The following GPR158 variants were observed in gnomAD, a reference collection of about 807,000 sequenced individuals.
The protein encoded by GPR158 is metabotropic glycine receptor.
Under a neutral mutation model 78.2 loss-of-function variants are expected in GPR158, and 30 were observed. The ratio of observed to expected loss-of-function variants is 0.38; its 90% CI spans 0.29 to 0.52. The LOEUF (loss-of-function observed/expected upper bound fraction) is 0.52. Ranked by LOEUF, GPR158 falls within the 20% of genes least tolerant of loss-of-function variation. The pLI, the probability that GPR158 is intolerant of heterozygous loss-of-function variation, is 0.83. For missense variants in GPR158, 1,463 were observed against 1,523.5 expected (o/e 0.96, Z 0.66); for synonymous variants, 581 against 591.1 (o/e 0.98, Z 0.25).
chr10:25,218,618 C>G (rs914343970), intron 1 of GPR158, among the ~76,000 whole-genome samples: 3 of 152,100 alleles, frequency 2.0e-5, no homozygotes, highest in African/African-American at 2.4e-5. Context: ...CAAATACTTT[C>G]TAAATAAGAT....
At chr10:25,322,793 G>A (rs984511057) in intron 2 of GPR158, among the ~76,000 whole-genome samples, 7 of 152,166 alleles carry the variant, frequency 4.6e-5, no homozygotes, top group Non-Finnish European at 1.0e-4. Flanking sequence ...GGGGTCTTGG[G>A]TGACTGTGTC....
chr10:25,336,658 G>A (rs796741469), intron 2 of GPR158, among the ~76,000 whole-genome samples: 6 of 152,136 alleles, frequency 3.9e-5, no homozygotes, highest in African/African-American at 1.4e-4. Context: ...AATGGAAAAG[G>A]CCTCCTTTTC....
intron 2 of GPR158, among the ~76,000 whole-genome samples, chr10:25,367,337 T>C (rs753770313): frequency 2.1e-4 from 32 of 151,724 alleles, no homozygotes; most frequent in Non-Finnish European, 4.0e-4. Context: ...TCTGAATCAT[T>C]GTGCAATTTT....
intron 3 of GPR158, among the ~76,000 whole-genome samples, chr10:25,396,714 A>G (rs929765504): frequency 2.6e-5 from 4 of 152,372 alleles, no homozygotes; most frequent in Admixed American, 1.3e-4. Flanking sequence ...TCTGACCTCT[A>G]TAAACAATCA....
chr10:25,515,877 A>G (rs1381045845), intron 5 of GPR158, among the ~76,000 whole-genome samples: 1 of 151,020 alleles, frequency 6.6e-6, no homozygotes, highest in Admixed American at 6.6e-5. Flanking sequence ...TCATTTGGGT[A>G]TATACCCAGT....
intron 2 of GPR158, among the ~76,000 whole-genome samples, chr10:25,332,582 A>G (rs1855141890): frequency 6.6e-6 from 1 of 152,164 alleles, no homozygotes; most frequent in African/African-American, 2.4e-5. Flanking sequence ...CTGTATTTGC[A>G]GAGGCATTTG....
chr10:25,364,101 T>C (rs1208238640), intron 2 of GPR158, among the ~76,000 whole-genome samples: 1 of 151,982 alleles, frequency 6.6e-6, no homozygotes, highest in African/African-American at 2.4e-5. Context: ...GAATAAGAAG[T>C]ATTATTCTTC....
intron 6 of GPR158, among the ~76,000 whole-genome samples, chr10:25,554,874 TA>T (rs962349928): frequency 6.6e-6 from 1 of 152,176 alleles, no homozygotes; most frequent in Non-Finnish European, 1.5e-5. Context: ...ATTATTGCCT[TA>T]AATTCTCACA....
intron 2 of GPR158, among the ~76,000 whole-genome samples, chr10:25,329,685 C>T (rs933590762): frequency 2.0e-5 from 3 of 151,192 alleles, no homozygotes; most frequent in Non-Finnish European, 2.9e-5. Flanking sequence ...AAGACAAATC[C>T]ATTCTCTACA....
chr10:25,460,578 G>A (rs888665125), intron 4 of GPR158, among the ~76,000 whole-genome samples: 1 of 152,150 alleles, frequency 6.6e-6, no homozygotes, highest in Non-Finnish European at 1.5e-5. Context: ...AGTAATAAAT[G>A]ACTACCTCTC....
At chr10:25,246,997 G>A (rs2130715010) in intron 2 of GPR158, among the ~76,000 whole-genome samples, 1 of 152,316 alleles carries the variant, frequency 6.6e-6, no homozygotes, top group East Asian at 1.9e-4. Context: ...AGCCTCAGAT[G>A]CTTTGGTGAA....
intron 5 of GPR158, among the ~76,000 whole-genome samples, chr10:25,468,398 C>G (rs1835453353): frequency 6.6e-6 from 1 of 152,156 alleles, no homozygotes; most frequent in Non-Finnish European, 1.5e-5. Context: ...CCTAACATTC[C>G]TAAACCTTGT....
In GPR158 at chr10:25,430,090, A is replaced by G. The variant is rs1588859884; in HGVS notation, c.1335+17617A>G. On this transcript the variant is annotated intron_variant, in intron 4 of 10. Transcript: ENST00000376351. Reference sequence around the variant, plus strand: ...CAAATTGTCCCTGTTTGCAGATGACATGATTGTATATCTAGAAAACCCCAC... The same window carrying G: ...CAAATTGTCCCTGTTTGCAGATGACGTGATTGTATATCTAGAAAACCCCAC... 8.6e-5 allele frequency among the ~76,000 whole-genome samples: 13 copies of G among 150,704 alleles called. No homozygotes were observed. In the South Asian group the frequency reaches 2.8e-3, roughly 32 times the overall value.
chr10:25,304,570 T>C (rs552447041), intron 2 of GPR158, among the ~76,000 whole-genome samples: 3 of 151,984 alleles, frequency 2.0e-5, no homozygotes, highest in Admixed American at 6.6e-5. Flanking sequence ...TTTTTATATA[T>C]AATATATATA....
intron 5 of GPR158, among the ~76,000 whole-genome samples, chr10:25,502,554 T>C (rs1835955836): frequency 6.6e-6 from 1 of 152,172 alleles, no homozygotes; most frequent in Non-Finnish European, 1.5e-5. Flanking sequence ...TCCATGTTCC[T>C]GCTGGGTAAT....
chr10:25,258,053 C>T (rs1159296655), intron 2 of GPR158, among the ~76,000 whole-genome samples: 1 of 152,142 alleles, frequency 6.6e-6, no homozygotes, highest in African/African-American at 2.4e-5. Flanking sequence ...TAAAAATAAT[C>T]CCCTAGTCTC....
At chr10:25,369,351 T>C (rs1274984697) in intron 2 of GPR158, among the ~76,000 whole-genome samples, 1 of 150,206 alleles carries the variant, frequency 6.7e-6, no homozygotes, top group Non-Finnish European at 1.5e-5. Flanking sequence ...CATCAATAGC[T>C]AATTTATTGA....
intron 2 of GPR158, among the ~76,000 whole-genome samples, chr10:25,286,054 A>G (rs1055395571): frequency 2.0e-5 from 3 of 152,006 alleles, no homozygotes; most frequent in African/African-American, 7.2e-5. Flanking sequence ...GTGACGTTCA[A>G]TATTTTTTCT....
intron 4 of GPR158, among the ~76,000 whole-genome samples, chr10:25,435,313 A>T (rs963562514): frequency 6.6e-6 from 1 of 152,168 alleles, no homozygotes; most frequent in African/African-American, 2.4e-5. Context: ...AGAAAGGATA[A>T]TAAGGTTGGA....
Sources: gnomAD v4.1 joint callset for allele counts (sites outside exome capture counted in the v4.1 genomes callset) on GRCh38, gnomAD v4.1.1 for gene constraint, MANE v1.5 for transcripts, NCBI Gene and HGNC (gene_info 2026-07-23, HGNC 2026-07-21) for gene names.